IGSF5: variants seen among roughly 807,000 people sequenced by gnomAD.
IGSF5 encodes the protein immunoglobulin superfamily 5 like.
Under a neutral mutation model 39.4 loss-of-function variants are expected in IGSF5, and 41 were observed. The observed-to-expected ratio is 1.04, with a 90% CI of 0.81 to 1.35. IGSF5 has a LOEUF of 1.35. Among genes scored for constraint, IGSF5 ranks in the 40% most tolerant of loss-of-function variants. The probability of loss-of-function intolerance (pLI) is 0.00; values close to 1 mark genes in which losing one functional copy is unlikely to be tolerated. For synonymous variants in IGSF5, 183 were observed against 175.3 expected (o/e 1.04, Z -0.34); for missense variants, 487 against 494.6 (o/e 0.98, Z 0.15).
chr21:39,797,527 T>C (rs903044073), intron 8 of IGSF5, among the ~76,000 whole-genome samples: 5 of 151,946 alleles, frequency 3.3e-5, no homozygotes, highest in African/African-American at 7.3e-5. Context: ...CCTTTAAAAA[T>C]TTTTTTTGAG....
At chr21:39,749,319 TCTC>T (rs1380901640) in intron 2 of IGSF5, among the ~76,000 whole-genome samples, 1 of 151,996 alleles carries the variant, frequency 6.6e-6, no homozygotes, top group Non-Finnish European at 1.5e-5. Flanking sequence ...CTCAAGTGAT[TCTC>T]CTGCCTCAGC....
chr21:39,724,944 T>G, the IGSF5 span, among the ~76,000 whole-genome samples: 1 of 152,244 alleles, frequency 6.6e-6, no homozygotes. Flanking sequence ...GCGTTTGGAT[T>G]GTCTGTGGCT....
intron 4 of IGSF5, among the ~76,000 whole-genome samples, chr21:39,775,496 T>C (rs2837209): frequency 0.78 from 119,059 of 151,912 alleles, 46,784 homozygotes; most frequent in Admixed American, 0.84. Flanking sequence ...CATTTGGTTT[T>C]AAGAAATTCT....
intron 6 of IGSF5, 148 bp downstream of exon 6, chr21:39,788,336 A>G: frequency 1.6e-6 from 1 of 624,996 alleles, no homozygotes; most frequent in Non-Finnish European, 2.8e-6. Context: ...ATGCTGAAAA[A>G]CACGTATGCC....
chr21:39,774,646 C>T (rs192269022), intron 4 of IGSF5, among the ~76,000 whole-genome samples: 1 of 152,160 alleles, frequency 6.6e-6, no homozygotes, highest in African/African-American at 2.4e-5. Context: ...GCCGTCTCAC[C>T]CTGTCTTGGG....
chr21:39,736,676 G>A, the IGSF5 span, among the ~76,000 whole-genome samples: 4 of 152,234 alleles, frequency 2.6e-5, no homozygotes, highest in East Asian at 7.7e-4. Flanking sequence ...ACCGGGTTGG[G>A]GACCCTGTAC....
upstream of IGSF5, among the ~76,000 whole-genome samples, chr21:39,740,213 A>G (rs1377492449): frequency 6.6e-6 from 1 of 152,166 alleles, no homozygotes; most frequent in African/African-American, 2.4e-5. Context: ...TCCTTCTATA[A>G]GCATTTCTAA....
At chr21:39,721,907 G>A in the IGSF5 span, among the ~76,000 whole-genome samples, 21 of 152,178 alleles carry the variant, frequency 1.4e-4, no homozygotes, top group Non-Finnish European at 2.8e-4. Context: ...GGGTCAAGGT[G>A]AGCACACTTA....
the IGSF5 span, among the ~76,000 whole-genome samples, chr21:39,723,589 G>A: frequency 6.6e-6 from 1 of 152,174 alleles, no homozygotes; most frequent in Non-Finnish European, 1.5e-5. Flanking sequence ...AATTCAGAGA[G>A]GTCACAGAGT....
At chr21:39,787,124 G>C (rs1019476838) in intron 5 of IGSF5, among the ~76,000 whole-genome samples, 2 of 152,076 alleles carry the variant, frequency 1.3e-5, no homozygotes, top group Non-Finnish European at 2.9e-5. Context: ...AAATGCAATG[G>C]CAACAAAAGC....
At chr21:39,724,303 A>AT in the IGSF5 span, among the ~76,000 whole-genome samples, 1 of 152,160 alleles carries the variant, frequency 6.6e-6, no homozygotes, top group African/African-American at 2.4e-5. Context: ...AGGTGTAGAC[A>AT]TTTGACTAAA....
intron 2 of IGSF5, among the ~76,000 whole-genome samples, chr21:39,750,392 C>T (rs773197886): frequency 1.4e-4 from 22 of 151,946 alleles, no homozygotes; most frequent in Non-Finnish European, 2.6e-4. Flanking sequence ...CCTGTAATCC[C>T]GGCACTTTGG....
chr21:39,770,874 C>A, intron 3 of IGSF5, 42 bp from the exon 4 acceptor site: 2 of 1,281,648 alleles, frequency 1.6e-6, no homozygotes, highest in Non-Finnish European at 2.0e-6. Flanking sequence ...AAGCGAGAGG[C>A]ATGGTCATGT....
At chr21:39,743,710 T>G (rs1313812364), upstream of IGSF5, among the ~76,000 whole-genome samples, 2 of 152,108 alleles carry the variant, frequency 1.3e-5, no homozygotes. Context: ...AACTGCGAGT[T>G]GTCTCTTAAT....
At chr21:39,723,851 CT>C in the IGSF5 span, among the ~76,000 whole-genome samples, 1 of 152,030 alleles carries the variant, frequency 6.6e-6, no homozygotes, top group South Asian at 2.1e-4. Context: ...TTGCTTGGAT[CT>C]AAAAAACCTT....
At chr21:39,780,314 G>A (rs1275030708) in intron 5 of IGSF5, among the ~76,000 whole-genome samples, 1 of 152,196 alleles carries the variant, frequency 6.6e-6, no homozygotes, top group Non-Finnish European at 1.5e-5. Context: ...CTTAAGGAAG[G>A]AAGCTGTTTC....
upstream of IGSF5, among the ~76,000 whole-genome samples, chr21:39,742,781 C>T (rs991133305): frequency 1.3e-5 from 2 of 151,742 alleles, no homozygotes; most frequent in East Asian, 1.9e-4. Context: ...AAGTGATGGC[C>T]TTTTTTTTAT....
chr21:39,761,346 G>A (rs890225774), intron 2 of IGSF5, among the ~76,000 whole-genome samples: 12 of 152,154 alleles, frequency 7.9e-5, no homozygotes, highest in Admixed American at 1.3e-4. Context: ...TGGCTTTGGC[G>A]AAAAATTTAT....
chr21:39,801,248 TC>T lies in IGSF5; in HGVS notation c.1129-12del. ...CAACCCATTAAATTGACTTTTTTCC[TC>T]CTCTGTTGCCAGCGGGCTGATCAAC... On this transcript the variant is annotated splice_polypyrimidine_tract_variant and intron_variant, in intron 8 of 8. Coordinates refer to ENST00000380588, the MANE Select transcript of IGSF5 (RefSeq NM_001080444.2). 6.2e-7 allele frequency: 1 copy of T among 1,610,530 alleles called. No individual in the cohort carries two copies. Among genetic ancestry groups the T allele is most frequent in the Non-Finnish European group, 8.5e-7 (1 of 1,177,088 alleles).
Sources: allele counts gnomAD v4.1 joint callset (sites outside exome capture counted in the v4.1 genomes callset), GRCh38; gene constraint gnomAD v4.1.1; transcripts MANE v1.5; gene names NCBI Gene and HGNC (gene_info 2026-07-23, HGNC 2026-07-21).